The following NBAS variants were observed in gnomAD, a reference collection of about 807,000 sequenced individuals.
NBAS encodes NBAS subunit of NRZ tethering complex.
A neutral mutation model predicts 302.5 loss-of-function variants in NBAS; 219 were observed. That is an observed-to-expected ratio of 0.72 (90% confidence interval 0.65 to 0.81). The LOEUF is 0.81. Among genes scored for constraint, NBAS ranks in the 30% least tolerant of loss-of-function variants. The pLI is 0.00. For missense variants in NBAS, 2,932 were observed against 2,841.6 expected, an observed-to-expected ratio of 1.03 and a Z score of -0.72; for synonymous variants, 1,118 against 1,021.6, an observed-to-expected ratio of 1.09 and a Z score of -1.80.
At chr2:14,981,530 C>T in the NBAS span, among the ~76,000 whole-genome samples, 1 of 152,194 alleles carries the variant, frequency 6.6e-6, no homozygotes, top group African/African-American at 2.4e-5. Context: ...TATAATCTTC[C>T]TTCCGTCCAC....
At chr2:14,978,244 C>T in the NBAS span, among the ~76,000 whole-genome samples, 21 of 152,282 alleles carry the variant, frequency 1.4e-4, no homozygotes, top group South Asian at 3.9e-3. Flanking sequence ...CATATCTCTA[C>T]TATGGAATTT....
intron 28 of NBAS, among the ~76,000 whole-genome samples, chr2:15,384,419 A>G (rs1365030485): frequency 2.0e-5 from 3 of 152,190 alleles, no homozygotes; most frequent in Non-Finnish European, 2.9e-5. Flanking sequence ...ATATAAGAAT[A>G]AGCTAAATTA....
the NBAS span, among the ~76,000 whole-genome samples, chr2:14,827,012 C>T: frequency 1.3e-5 from 2 of 152,180 alleles, no homozygotes; most frequent in South Asian, 2.1e-4. Flanking sequence ...GGTCACATTG[C>T]ACCCAGAAGC....
At chr2:15,440,767 A>T (rs536766948) in intron 21 of NBAS, among the ~76,000 whole-genome samples, 4 of 152,298 alleles carry the variant, frequency 2.6e-5, no homozygotes, top group Middle Eastern at 3.4e-3. Context: ...AAAAAAATTT[A>T]GACGAATGTA....
the NBAS span, among the ~76,000 whole-genome samples, chr2:14,854,675 C>G: frequency 6.6e-4 from 100 of 152,250 alleles, no homozygotes; most frequent in African/African-American, 2.3e-3. Flanking sequence ...GCAGTGCTGT[C>G]CTGTTAGAGC....
the NBAS span, among the ~76,000 whole-genome samples, chr2:15,061,239 A>G: frequency 3.9e-5 from 6 of 152,318 alleles, no homozygotes; most frequent in South Asian, 4.1e-4. Flanking sequence ...TGTAACTGCA[A>G]CTAAGGTGTT....
At chr2:15,079,511 C>T in the NBAS span, among the ~76,000 whole-genome samples, 3 of 152,122 alleles carry the variant, frequency 2.0e-5, no homozygotes, top group Non-Finnish European at 4.4e-5. Context: ...TCCTCCTTTC[C>T]AAGGACACAG....
chr2:15,041,335 G>A, the NBAS span, among the ~76,000 whole-genome samples: 57,222 of 152,100 alleles, frequency 0.38, 11,139 homozygotes, highest in African/African-American at 0.47. Context: ...CCACAGACCA[G>A]GGCCAACAAC....
chr2:15,557,301 C>G (rs890151176), intron 2 of NBAS, among the ~76,000 whole-genome samples: 1 of 152,070 alleles, frequency 6.6e-6, no homozygotes, highest in Non-Finnish European at 1.5e-5. Context: ...TTCTATCATC[C>G]TAAATGTACA....
chr2:15,289,996 A>G (rs924687918), intron 41 of NBAS, among the ~76,000 whole-genome samples: 2 of 151,740 alleles, frequency 1.3e-5, no homozygotes, highest in Admixed American at 6.6e-5. Context: ...ACTCCATCAA[A>G]AAGAAAAGAA....
At chr2:15,241,582 C>T (rs1020701385) in intron 44 of NBAS, among the ~76,000 whole-genome samples, 21 of 152,094 alleles carry the variant, frequency 1.4e-4, no homozygotes, top group Admixed American at 1.2e-3. Context: ...GTTTCTTCAT[C>T]TACAAAATGA....
At chr2:15,358,335 T>G (rs1293267551) in intron 32 of NBAS, among the ~76,000 whole-genome samples, 2 of 152,118 alleles carry the variant, frequency 1.3e-5, no homozygotes, top group East Asian at 3.9e-4. Context: ...CCCATGTGCT[T>G]GAGCCCAAAC....
chr2:15,020,848 A>G, the NBAS span, among the ~76,000 whole-genome samples: 291 of 152,204 alleles, frequency 1.9e-3, 4 homozygotes, highest in African/African-American at 6.6e-3. Flanking sequence ...AAACTATGGA[A>G]CTCTGAAGGA....
rs146606455 is a variant in NBAS, at chr2:15,477,284, C to T, written c.1147+942G>A. 9.2e-4 allele frequency among the ~76,000 whole-genome samples: 139 copies of T among 150,926 alleles called. 1 individual carries two copies. Among genetic ancestry groups the T allele is most frequent in the East Asian group, 5.3e-3 (27 of 5,142 alleles). ...ACTAAAAGCATTTTTTTTTTTGAGACGAACTCTCACTCTGTCGCCCAGGCT... is the reference window on the plus strand; with the variant it reads ...ACTAAAAGCATTTTTTTTTTTGAGATGAACTCTCACTCTGTCGCCCAGGCT... On this transcript the variant is annotated intron_variant, in intron 13 of 51. Transcript: ENST00000281513.
chr2:15,137,423 C>A, the NBAS span, among the ~76,000 whole-genome samples: 5 of 152,240 alleles, frequency 3.3e-5, no homozygotes, highest in East Asian at 9.7e-4. Context: ...CCAGGTCAAG[C>A]AACGGTTGCA....
At chr2:15,466,792 C>T (rs956675329) in intron 19 of NBAS, among the ~76,000 whole-genome samples, 1 of 151,966 alleles carries the variant, frequency 6.6e-6, no homozygotes, top group African/African-American at 2.4e-5. Context: ...CAAAAATTTG[C>T]CATGTGTGGT....
At chr2:15,063,238 T>A in the NBAS span, among the ~76,000 whole-genome samples, 2 of 152,190 alleles carry the variant, frequency 1.3e-5, no homozygotes, top group Non-Finnish European at 2.9e-5. Flanking sequence ...AAGAATGGAC[T>A]TCTCATATCT....
At chr2:15,477,228 A>G (rs1680230382) in intron 13 of NBAS, among the ~76,000 whole-genome samples, 1 of 152,212 alleles carries the variant, frequency 6.6e-6, no homozygotes, top group Admixed American at 6.5e-5. Context: ...GCATAATATT[A>G]ATCAATATTT....
the NBAS span, among the ~76,000 whole-genome samples, chr2:14,796,919 CAA>C: frequency 6.3e-3 from 545 of 86,468 alleles, 3 homozygotes; most frequent in African/African-American, 0.019. Context: ...CTAAAAAATA[CAA>C]AAAAAAAAAA....
Sources: gnomAD v4.1 joint callset for allele counts (sites outside exome capture counted in the v4.1 genomes callset) on GRCh38, gnomAD v4.1.1 for gene constraint, MANE v1.5 for transcripts, NCBI Gene and HGNC (gene_info 2026-07-23, HGNC 2026-07-21) for gene names.